Variants in MYO1D observed in about 807,000 individuals in gnomAD.
The protein encoded by MYO1D is unconventional myosin-Id.
In MYO1D, 83 loss-of-function variants were observed where a neutral mutation model predicts 122.0. The ratio of observed to expected loss-of-function variants is 0.68; its 90% CI spans 0.57 to 0.82. The LOEUF (loss-of-function observed/expected upper bound fraction) is 0.82. MYO1D is among the 40% of genes least tolerant of loss of function. MYO1D has a pLI of 0.00. For missense variants in MYO1D, 1,157 were observed against 1,269.5 expected, an observed-to-expected ratio of 0.91 and a Z score of 1.35; for synonymous variants, 464 against 446.9, an observed-to-expected ratio of 1.04 and a Z score of -0.48.
intron 18 of MYO1D, among the ~76,000 whole-genome samples, chr17:32,654,176 T>C (rs1366023597): frequency 6.6e-6 from 1 of 152,156 alleles, no homozygotes; most frequent in African/African-American, 2.4e-5. Flanking sequence ...CTGGGAATAA[T>C]TAATATAAAG....
At chr17:32,724,302 G>A (rs2089546182) in intron 14 of MYO1D, among the ~76,000 whole-genome samples, 1 of 152,150 alleles carries the variant, frequency 6.6e-6, no homozygotes, top group Non-Finnish European at 1.5e-5. Context: ...CAGAACACTT[G>A]AGTCTTGGCT....
intron 16 of MYO1D, among the ~76,000 whole-genome samples, chr17:32,705,138 T>C (rs901600042): frequency 8.5e-6 from 1 of 117,536 alleles, no homozygotes; most frequent in African/African-American, 3.3e-5. Context: ...GGTCCACTCA[T>C]ACAGATTTTT....
At chr17:32,713,862 G>T (rs2089409662) in intron 15 of MYO1D, among the ~76,000 whole-genome samples, 1 of 152,052 alleles carries the variant, frequency 6.6e-6, no homozygotes, top group Non-Finnish European at 1.5e-5. Context: ...GACCTCAAGT[G>T]ATCTGCCCGC....
intron 1 of MYO1D, among the ~76,000 whole-genome samples, chr17:32,798,597 T>C: frequency 6.6e-6 from 1 of 152,130 alleles, no homozygotes; most frequent in Non-Finnish European, 1.5e-5. Flanking sequence ...AGCCCCTAAA[T>C]GGAAGCTAAG....
chr17:32,876,796 A>G lies in MYO1D; in HGVS notation c.77T>C (p.Met26Thr), dbSNP rs1224959427. The change falls in exon 1 of 22, where the codon ATG becomes ACG. Residue 26 changes from methionine (M) to threonine (T), a missense_variant. Transcript: ENST00000318217. ...LMDTVSMPEF[M>T]ANLRLRFEKG... ...CCCTCACCTGAGCCTGAGGTTGGCC[A>G]TGAACTCGGGCATGGAGACGGTGTC... The G allele has an allele frequency of 1.3e-6, 2 of 1,517,666 alleles. No homozygotes were observed. Among genetic ancestry groups the G allele is most frequent in the Non-Finnish European group, 1.8e-6 (2 of 1,133,066 alleles). 94.0% of individuals were successfully genotyped at this position (1,517,666 alleles called of 1,614,324 possible).
chr17:32,827,587 TA>T (rs926938916), intron 1 of MYO1D, among the ~76,000 whole-genome samples: 1 of 152,154 alleles, frequency 6.6e-6, no homozygotes, highest in Non-Finnish European at 1.5e-5. Flanking sequence ...TTTACTACAA[TA>T]AAAAAATTAA....
At chr17:32,764,392 T>A (rs907550949) in intron 8 of MYO1D, among the ~76,000 whole-genome samples, 1 of 152,146 alleles carries the variant, frequency 6.6e-6, no homozygotes, top group African/African-American at 2.4e-5. Flanking sequence ...CTAATAATAT[T>A]GTTTCAAATT....
At chr17:32,630,163 T>C (rs747199296) in intron 20 of MYO1D, among the ~76,000 whole-genome samples, 5 of 152,240 alleles carry the variant, frequency 3.3e-5, no homozygotes, top group Non-Finnish European at 1.5e-5. Context: ...ATTTCTGTCC[T>C]GTGCCAGCTG....
chr17:32,867,878 G>A (rs369222228), intron 1 of MYO1D, among the ~76,000 whole-genome samples: 15 of 150,206 alleles, frequency 1.0e-4, no homozygotes, highest in African/African-American at 3.7e-4. Context: ...AAACATATAG[G>A]GTCTATAGAT....
chr17:32,790,081 G>A (rs2090334483), intron 1 of MYO1D, among the ~76,000 whole-genome samples: 1 of 152,178 alleles, frequency 6.6e-6, no homozygotes, highest in South Asian at 2.1e-4. Context: ...TATAGAGCAA[G>A]AGTTTTGATA....
Position 32,494,908 on chromosome 17 carries a change from G to T in MYO1D, c.2872C>A (p.Arg958Ser), listed in dbSNP as rs1317569981. The change falls in exon 22 of 22, where the codon CGC (arginine) becomes AGC (serine). Residue 958 changes from arginine to serine, a missense_variant. Arg to Ser is a moderately radical substitution (Grantham distance 110). Coordinates refer to ENST00000318217, the MANE Select transcript of MYO1D (RefSeq NM_015194.3). ...TTGGTGACGTTCACTTGAAGGTGGC[G>T]CTTCTCACTGCAGGAACCAAAAACA... ...VLVNHFKSEK[R>S]HLQVNVTNPV... is the part of the protein sequence containing the mutation. The T allele has an allele frequency of 1.3e-6, 2 of 1,598,976 alleles. No individual in the cohort carries two copies.
In MYO1D at chr17:32,777,920, C is replaced by T. The variant is rs147613374; in HGVS notation, c.398+560G>A. Among the ~76,000 whole-genome samples the T allele has an allele frequency of 1.7e-3, 255 of 151,996 alleles. 1 individual carries two copies. Among genetic ancestry groups the T allele is most frequent in the African/African-American group, 5.8e-3 (239 of 41,444 alleles). On this transcript the variant is annotated intron_variant, in intron 3 of 21. Coordinates refer to ENST00000318217, the MANE Select transcript of MYO1D (RefSeq NM_015194.3). ...CTGCACTCCAGCCTGGGCCACAGAG[C>T]GAGACTCCATCTCAAAAAAAGAAAA...
At chr17:32,847,611 T>C (rs558451380) in intron 1 of MYO1D, among the ~76,000 whole-genome samples, 1 of 152,124 alleles carries the variant, frequency 6.6e-6, no homozygotes, top group East Asian at 1.9e-4. Context: ...ACCTCTGGGG[T>C]TCAAGCAATT....
At chr17:32,859,658 C>T (rs949950196) in intron 1 of MYO1D, among the ~76,000 whole-genome samples, 11 of 152,194 alleles carry the variant, frequency 7.2e-5, no homozygotes, top group Middle Eastern at 3.2e-3. Flanking sequence ...TCAATTCATA[C>T]GCAAGTATTT....
intron 21 of MYO1D, among the ~76,000 whole-genome samples, chr17:32,563,673 G>A (rs560560021): frequency 1.1e-4 from 17 of 152,266 alleles, no homozygotes; most frequent in African/African-American, 4.1e-4. Context: ...CAAACATTTG[G>A]AAAAACAGAA....
At chr17:32,563,369 C>T (rs2087144793) in intron 21 of MYO1D, among the ~76,000 whole-genome samples, 2 of 151,726 alleles carry the variant, frequency 1.3e-5, no homozygotes. Context: ...ACCACTGTGC[C>T]CAGCTAATTT....
At chr17:32,837,254 CT>C (rs35170619) in intron 1 of MYO1D, among the ~76,000 whole-genome samples, 2,011 of 122,094 alleles carry the variant, frequency 0.016, 35 homozygotes, top group African/African-American at 0.056. Context: ...CCTGCCTTTT[CT>C]TTTTTTTTTT....
At chr17:32,668,703 T>C (rs1394479886) in intron 16 of MYO1D, among the ~76,000 whole-genome samples, 3 of 151,708 alleles carry the variant, frequency 2.0e-5, no homozygotes, top group Admixed American at 6.6e-5. Context: ...GAATTTCTTT[T>C]TCTTTTTTTT....
chr17:32,836,954 G>A (rs1598143227), intron 1 of MYO1D, among the ~76,000 whole-genome samples: 1 of 152,092 alleles, frequency 6.6e-6, no homozygotes, highest in African/African-American at 2.4e-5. Flanking sequence ...TTAGCCTGAG[G>A]AGATACTGCC....
Sources: allele counts gnomAD v4.1 joint callset (sites outside exome capture counted in the v4.1 genomes callset), GRCh38; gene constraint gnomAD v4.1.1; transcripts MANE v1.5; gene names NCBI Gene and HGNC (gene_info 2026-07-23, HGNC 2026-07-21).